WARS2: variants seen among roughly 807,000 people sequenced by gnomAD.
WARS2 encodes the protein tryptophanyl tRNA synthetase 2, mitochondrial.
Under a neutral mutation model 36.5 loss-of-function variants are expected in WARS2, and 28 were observed. That is an observed-to-expected ratio of 0.77 (90% CI 0.57 to 1.05). WARS2 has a LOEUF of 1.05. Among genes scored for constraint, WARS2 ranks in the 50% least tolerant of loss-of-function variants. The pLI, the probability that WARS2 is intolerant of heterozygous loss-of-function variation, is 0.00. For missense variants in WARS2, 435 were observed against 456.8 expected (o/e 0.95, Z 0.44); for synonymous variants, 174 against 178.4 (o/e 0.98, Z 0.20).
chr1:119,093,735 T>C (rs991663789), intron 1 of WARS2, among the ~76,000 whole-genome samples: 2 of 152,202 alleles, frequency 1.3e-5, no homozygotes, highest in African/African-American at 4.8e-5. Context: ...TCTGTTCTTT[T>C]AGGCCACCCA....
chr1:119,086,799 T>G (rs1456130405), intron 1 of WARS2, among the ~76,000 whole-genome samples: 1 of 152,158 alleles, frequency 6.6e-6, no homozygotes, highest in African/African-American at 2.4e-5. Flanking sequence ...AGACTCTGAC[T>G]TTGTGGGGTG....
At chr1:119,039,356 T>C (rs1229915599) in intron 4 of WARS2, among the ~76,000 whole-genome samples, 1 of 152,190 alleles carries the variant, frequency 6.6e-6, no homozygotes, top group Non-Finnish European at 1.5e-5. Context: ...TGTGCCTTTA[T>C]GTGTATGTGT....
intron 1 of WARS2, among the ~76,000 whole-genome samples, chr1:119,124,248 T>C (rs1392313502): frequency 1.3e-5 from 2 of 152,116 alleles, no homozygotes; most frequent in Admixed American, 1.3e-4. Context: ...ATCCCAACAC[T>C]TTGGGAGGCC....
chr1:119,051,999 A>G (rs930790188), intron 2 of WARS2, among the ~76,000 whole-genome samples: 3 of 151,934 alleles, frequency 2.0e-5, no homozygotes, highest in African/African-American at 7.3e-5. Flanking sequence ...ACCTCAAATG[A>G]TCCACCTGCC....
intron 2 of WARS2, among the ~76,000 whole-genome samples, chr1:119,065,904 A>G (rs755017876): frequency 5.3e-5 from 8 of 152,188 alleles, no homozygotes; most frequent in Non-Finnish European, 7.4e-5. Flanking sequence ...TCCTGATGAG[A>G]GCTGTGGTAT....
intron 1 of WARS2, among the ~76,000 whole-genome samples, chr1:119,131,468 T>G (rs921996127): frequency 2.0e-5 from 3 of 149,452 alleles, no homozygotes; most frequent in African/African-American, 7.5e-5. Flanking sequence ...GTTTTTTGTT[T>G]TTTTTTTTTT....
intron 2 of WARS2, 116 bp from the exon 3 acceptor site, chr1:119,045,778 A>G (rs1277097046): frequency 1.1e-5 from 9 of 830,304 alleles, no homozygotes; most frequent in Non-Finnish European, 1.6e-5. Flanking sequence ...TAAGGTTATT[A>G]TAAGAACAGG....
Position 119,032,932 on chromosome 1 carries a change from C to A in WARS2, c.1062G>T (p.Lys354Asn), listed in dbSNP as rs1647547569. 1.9e-6 allele frequency: 3 copies of A among 1,611,436 alleles called. No homozygotes were observed. Among genetic ancestry groups the A allele is most frequent in the East Asian group, 4.5e-5 (2 of 44,850 alleles). Residue 354 changes from lysine to asparagine, a missense_variant, in exon 6 of 6, where the codon AAG (lysine) becomes AAT (asparagine). Physicochemically the swap from Lys to Asn is moderately conservative, Grantham distance 94 (BLOSUM62 0). Transcript: ENST00000235521. ...CTTCCTATAGAAAACCCACCAATTT[C>A]TTCACCTCCTGGCACACAGTGTATG... is the stretch of plus-strand genomic sequence containing the variant. ...ELAYTVCQEV[K>N]KLVGFL
chr1:119,103,962 T>C (rs1654058785), intron 1 of WARS2, among the ~76,000 whole-genome samples: 1 of 150,556 alleles, frequency 6.6e-6, no homozygotes, highest in South Asian at 2.1e-4. Flanking sequence ...TTATTTTTAA[T>C]TAAAAATATA....
chr1:119,041,937 AAG>A (rs1648403367), intron 4 of WARS2, among the ~76,000 whole-genome samples: 1 of 152,184 alleles, frequency 6.6e-6, no homozygotes, highest in Non-Finnish European at 1.5e-5. Context: ...TCGGGACAAT[AAG>A]AGTGCAAATT....
At chr1:119,108,976 C>T (rs1654431793) in intron 1 of WARS2, among the ~76,000 whole-genome samples, 1 of 151,810 alleles carries the variant, frequency 6.6e-6, no homozygotes, top group Non-Finnish European at 1.5e-5. Context: ...ATTTGAGCAC[C>T]GTGTTATTAT....
chr1:119,056,428 A>T (rs1649816901), intron 2 of WARS2, among the ~76,000 whole-genome samples: 2 of 147,914 alleles, frequency 1.4e-5, no homozygotes, highest in Admixed American at 1.3e-4. Context: ...GGTTCATATA[A>T]CAACATCCTA....
At chr1:119,062,609 G>A (rs544558247) in intron 2 of WARS2, among the ~76,000 whole-genome samples, 1 of 152,240 alleles carries the variant, frequency 6.6e-6, no homozygotes, top group Non-Finnish European at 1.5e-5. Flanking sequence ...GAATTTCCAC[G>A]TGTTGTGGGA....
chr1:119,072,542 A>T (rs1448393681), intron 2 of WARS2, among the ~76,000 whole-genome samples: 3 of 152,234 alleles, frequency 2.0e-5, no homozygotes, highest in Non-Finnish European at 4.4e-5. Flanking sequence ...TTTTAAGCCC[A>T]GGACTAACTT....
At chr1:119,094,989 C>T (rs1653319069) in intron 1 of WARS2, among the ~76,000 whole-genome samples, 1 of 152,166 alleles carries the variant, frequency 6.6e-6, no homozygotes, top group East Asian at 1.9e-4. Context: ...TCTCTGGAAG[C>T]TCTGAATGAC....
At chr1:119,070,571 T>G (rs1189960923) in intron 2 of WARS2, among the ~76,000 whole-genome samples, 2 of 142,712 alleles carry the variant, frequency 1.4e-5, no homozygotes, top group African/African-American at 5.2e-5. Flanking sequence ...CCAGCCAGCC[T>G]TACACATTTA....
chr1:119,088,308 T>G (rs1280348185), intron 1 of WARS2, among the ~76,000 whole-genome samples: 1 of 152,128 alleles, frequency 6.6e-6, no homozygotes, highest in South Asian at 2.1e-4. Context: ...GGATTTGGCA[T>G]GAGCAATGGG....
At chr1:119,084,109 C>A (rs1424268565) in intron 1 of WARS2, among the ~76,000 whole-genome samples, 1 of 151,452 alleles carries the variant, frequency 6.6e-6, no homozygotes, top group East Asian at 1.9e-4. Context: ...CAGCCTCAAA[C>A]TCCTAGGCTC....
intron 1 of WARS2, among the ~76,000 whole-genome samples, chr1:119,126,017 T>C (rs10923754): frequency 0.28 from 43,094 of 152,106 alleles, 6,550 homozygotes; most frequent in African/African-American, 0.38. Flanking sequence ...TAATTCCCAC[T>C]GTATCTTCAA....
Sources: allele counts gnomAD v4.1 joint callset (sites outside exome capture counted in the v4.1 genomes callset), GRCh38; gene constraint gnomAD v4.1.1; transcripts MANE v1.5; gene names NCBI Gene and HGNC (gene_info 2026-07-23, HGNC 2026-07-21).